Variants in PRKCD observed in about 807,000 individuals in gnomAD.
PRKCD encodes the protein protein kinase C delta type.
In PRKCD, 20 loss-of-function variants were observed where a neutral mutation model predicts 82.2. That is an observed-to-expected ratio of 0.24 (90% CI 0.17 to 0.35). The LOEUF is 0.35. Ranked by LOEUF, PRKCD falls within the 10% of genes least tolerant of loss-of-function variation. PRKCD has a pLI of 1.00. For synonymous variants in PRKCD, 317 were observed against 337.0 expected (o/e 0.94, Z 0.65); for missense variants, 607 against 899.0 (o/e 0.68, Z 4.15).
intron 14 of PRKCD, among the ~76,000 whole-genome samples, chr3:53,186,954 C>T (rs573460355): frequency 6.6e-6 from 1 of 152,324 alleles, no homozygotes; most frequent in African/African-American, 2.4e-5. Context: ...CCAGGGCAGC[C>T]TTGCAAATGG....
intron 9 of PRKCD, among the ~76,000 whole-genome samples, chr3:53,184,512 C>T (rs1405778616): frequency 2.0e-5 from 3 of 151,656 alleles, no homozygotes; most frequent in Non-Finnish European, 4.4e-5. Context: ...CCCGTCTCTA[C>T]TAAAAATACA....
At chr3:53,184,514 A>T (rs1553668548) in intron 9 of PRKCD, among the ~76,000 whole-genome samples, 1 of 151,940 alleles carries the variant, frequency 6.6e-6, no homozygotes, top group Non-Finnish European at 1.5e-5. Context: ...CGTCTCTACT[A>T]AAAATACAAA....
chr3:53,164,853 C>G (rs1387384599), intron 1 of PRKCD, among the ~76,000 whole-genome samples: 1 of 152,164 alleles, frequency 6.6e-6, no homozygotes, highest in Admixed American at 6.5e-5. Context: ...GCTTCCTCAC[C>G]AGGCTGGAAA....
intron 10 of PRKCD, among the ~76,000 whole-genome samples, chr3:53,185,258 T>TG (rs1452410138): frequency 2.6e-5 from 4 of 152,106 alleles, no homozygotes; most frequent in African/African-American, 9.7e-5. Flanking sequence ...CGTTTGTATG[T>TG]GGGGGGGGCT....
rs200442846 is a variant in PRKCD, at chr3:53,181,619, C to T, written c.539+13C>T. 6.0e-4 allele frequency: 969 copies of T among 1,614,190 alleles called. 2 individuals are homozygous for T. Among genetic ancestry groups the T allele is most frequent in the Middle Eastern group, 1.3e-3 (8 of 6,062 alleles). On this transcript the variant is annotated intron_variant, in intron 6 of 18. Coordinates refer to ENST00000330452, the MANE Select transcript of PRKCD (RefSeq NM_006254.4). The stretch of plus-strand genomic sequence containing the variant: ...AAGACTTTGTCTGGTGAGAACCGGC[C>T]ATGCCCACTGGTGGTGGTGCAGGGT...
Position 53,161,971 on chromosome 3 carries a change from C to G in PRKCD, c.-132+543C>G, listed in dbSNP as rs969293799. On this transcript the variant is annotated intron_variant, in intron 1 of 18. Coordinates refer to ENST00000330452, the MANE Select transcript of PRKCD (RefSeq NM_006254.4). The stretch of plus-strand genomic sequence containing the variant: ...GTCCAGCCGCCTCTCCGCTCTACCG[C>G]GGGGCCCAGGCCAGGCCGCCCGCCG... Among the ~76,000 whole-genome samples the G allele has an allele frequency of 6.0e-5, 9 of 150,816 alleles. No homozygotes were observed. In the South Asian group the frequency reaches 1.9e-3, roughly 32 times the overall value.
At chr3:53,171,900 C>T (rs1703043455) in intron 2 of PRKCD, among the ~76,000 whole-genome samples, 1 of 151,968 alleles carries the variant, frequency 6.6e-6, no homozygotes, top group South Asian at 2.1e-4. Flanking sequence ...TAGGAGGTTC[C>T]CAGCTGTGGG....
intron 2 of PRKCD, among the ~76,000 whole-genome samples, chr3:53,168,294 C>G (rs1702898875): frequency 6.6e-6 from 1 of 152,230 alleles, no homozygotes; most frequent in Non-Finnish European, 1.5e-5. Context: ...AGGGCCCAGC[C>G]TGTCCCAGGG....
chr3:53,186,746 G>C (rs1553669264), intron 14 of PRKCD, 51 bp downstream of exon 14: 1 of 1,484,246 alleles, frequency 6.7e-7, no homozygotes, highest in Non-Finnish European at 9.2e-7. Context: ...AAGGGCTACT[G>C]GCTCAGAGCC....
chr3:53,170,786 G>A (rs1171117020), intron 2 of PRKCD, among the ~76,000 whole-genome samples: 1 of 152,212 alleles, frequency 6.6e-6, no homozygotes, highest in African/African-American at 2.4e-5. Context: ...CTGTATGTTT[G>A]TTTCTGTGTC....
chr3:53,182,807 A>G (rs1450930220), intron 7 of PRKCD, among the ~76,000 whole-genome samples: 3 of 152,208 alleles, frequency 2.0e-5, no homozygotes, highest in Non-Finnish European at 2.9e-5. Context: ...AGGGCTTGGA[A>G]GAACTGCCCC....
In PRKCD at chr3:53,191,854, C is replaced by T. The variant is rs527320762; in HGVS notation, c.1873-254C>T. ...AAGTGAGCCTCCCTGGGCTGTGATT[C>T]GGTGGTCTCTGAGCAAGAGGCTACC... On this transcript the variant is annotated intron_variant, in intron 18 of 18. Coordinates refer to ENST00000330452, the MANE Select transcript of PRKCD (RefSeq NM_006254.4). Among the ~76,000 whole-genome samples the T allele has an allele frequency of 1.1e-4, 16 of 152,274 alleles. 1 individual carries two copies. The highest frequency in any genetic ancestry group is 9.8e-4 in the Admixed American group (15 of 15,300).
chr3:53,183,427 C>A, intron 8 of PRKCD, 25 bp from the exon 9 acceptor site: 1 of 1,613,354 alleles, frequency 6.2e-7, no homozygotes, highest in South Asian at 1.1e-5. Context: ...ACGTGACCCT[C>A]AGCCTGTGAT....
chr3:53,178,328 G>A (rs369359865), intron 2 of PRKCD, 76 bp from the exon 3 acceptor site: 7 of 854,936 alleles, frequency 8.2e-6, no homozygotes, highest in Admixed American at 6.8e-5. Context: ...CTGGGGGAGC[G>A]GGTCCCTGAG....
chr3:53,185,686 G>A lies in PRKCD; in HGVS notation c.971G>A (p.Gly324Glu). 3 of 1,612,248 alleles carry A rather than the reference G, an allele frequency of 1.9e-6. No homozygotes were observed. The highest frequency in any genetic ancestry group is 1.3e-5 in the African/African-American group (1 of 75,052). Residue 324 changes from glycine (G) to glutamate (E), a missense_variant, in exon 11 of 19, where the codon GGG becomes GAG. By Grantham distance (98) the Gly-to-Glu change is moderately conservative. This residue lies in a region of PRKCD where 85 missense variants were observed against 76.1 expected (regional missense o/e 1.12). Transcript: ENST00000330452. ...TTCGAGAAGAAGACCGGAGTTGCTG[G>A]GGAGGACATGCAAGGTGAAGCTGGG... ...QGFEKKTGVA[G>E]EDMQDNSGTY...
chr3:53,166,944 A>G (rs1261414605), intron 2 of PRKCD, among the ~76,000 whole-genome samples: 1 of 152,244 alleles, frequency 6.6e-6, no homozygotes, highest in Admixed American at 6.5e-5. Context: ...CAGAGGAAGT[A>G]GGCTGTCTGG....
rs58563464 is a variant in PRKCD at position 53,182,116 on chromosome 3, C to T, written c.571+384C>T. Reference sequence around the variant, plus strand: ...GTAGATGTGGGTGTCTCTGAGTACACAGGTGTGAGCACACTCTGTCCCTGA... The same window carrying T: ...GTAGATGTGGGTGTCTCTGAGTACATAGGTGTGAGCACACTCTGTCCCTGA... On this transcript the variant is annotated intron_variant, in intron 7 of 18. Transcript: ENST00000330452. 1,826 of 396,424 alleles carry T rather than the reference C, an allele frequency of 4.6e-3. 22 individuals are homozygous for T. Among genetic ancestry groups the T allele is most frequent in the African/African-American group, 0.036 (1,719 of 47,922 alleles). 24.6% of individuals were successfully genotyped at this position (396,424 alleles called of 1,614,324 possible). A position where few individuals can be genotyped will look rare whatever the true frequency, so the allele number is the denominator to read the frequency against.
intron 3 of PRKCD, 138 bp downstream of exon 3, chr3:53,178,675 G>T (rs943568201): frequency 1.3e-5 from 9 of 710,474 alleles, no homozygotes; most frequent in Non-Finnish European, 1.8e-5. Flanking sequence ...GCCCCACTCA[G>T]CTATGAAGGC....
At chr3:53,186,518 T>A in intron 13 of PRKCD, 86 bp from the exon 14 acceptor site, 1 of 1,415,886 alleles carries the variant, frequency 7.1e-7, no homozygotes, top group Non-Finnish European at 9.8e-7. Flanking sequence ...CCCTGCTGTT[T>A]CCTGTTGGGG....
Sources: gnomAD v4.1 joint callset for allele counts (sites outside exome capture counted in the v4.1 genomes callset) on GRCh38, gnomAD v4.1.1 for gene constraint, gnomAD v4.1.1 regional missense constraint, MANE v1.5 for transcripts, NCBI Gene and HGNC (gene_info 2026-07-23, HGNC 2026-07-21) for gene names.